The following IGSF21 variants were observed in gnomAD, a reference collection of about 807,000 sequenced individuals.
IGSF21 encodes the protein immunoglobin superfamily member 21.
IGSF21 carries 28 observed loss-of-function variants against 46.8 expected under a neutral mutation model. The observed-to-expected ratio is 0.60, with a 90% CI of 0.44 to 0.82. IGSF21 has a LOEUF of 0.82. IGSF21 is among the 40% of genes least tolerant of loss of function. The pLI, the probability that IGSF21 is intolerant of heterozygous loss-of-function variation, is 0.00. For missense variants in IGSF21, 624 were observed against 665.5 expected, an observed-to-expected ratio of 0.94 and a Z score of 0.69; for synonymous variants, 284 against 273.6, an observed-to-expected ratio of 1.04 and a Z score of -0.38.
At chr1:18,135,568 A>C (rs563434084) in intron 1 of IGSF21, among the ~76,000 whole-genome samples, 1 of 152,126 alleles carries the variant, frequency 6.6e-6, no homozygotes. Flanking sequence ...AGCTTCATCC[A>C]TGTCCCTACA....
At chr1:18,196,024 G>A (rs1344923309) in intron 1 of IGSF21, among the ~76,000 whole-genome samples, 1 of 152,220 alleles carries the variant, frequency 6.6e-6, no homozygotes, top group Non-Finnish European at 1.5e-5. Flanking sequence ...TGGTGATGCT[G>A]GGGGGTTGTG....
chr1:18,152,094 G>C (rs1461066951), intron 1 of IGSF21, among the ~76,000 whole-genome samples: 1 of 152,218 alleles, frequency 6.6e-6, no homozygotes. Flanking sequence ...TCAGTGCCTA[G>C]AACTGGGCCT....
At chr1:18,191,575 C>G (rs1368340294) in intron 1 of IGSF21, among the ~76,000 whole-genome samples, 2 of 151,962 alleles carry the variant, frequency 1.3e-5, no homozygotes, top group Non-Finnish European at 2.9e-5. Flanking sequence ...AGGGGATACA[C>G]GGGGTGTGTA....
At chr1:18,196,379 G>A (rs1208214172) in intron 1 of IGSF21, among the ~76,000 whole-genome samples, 1 of 152,168 alleles carries the variant, frequency 6.6e-6, no homozygotes, top group African/African-American at 2.4e-5. Flanking sequence ...ATGGCAGGGA[G>A]GAGAGGCCAT....
rs57198368 is a variant in IGSF21, at chr1:18,196,645, C to T, written c.71-31253C>T. ...TTAGAAGTGCTCTGTTTTATCTCAT[C>T]AGAGCCACATAATGGCCCCATGAGG... On this transcript the variant is annotated intron_variant, in intron 1 of 9. Coordinates refer to ENST00000251296, the MANE Select transcript of IGSF21 (RefSeq NM_032880.5). Among the ~76,000 whole-genome samples the T allele has an allele frequency of 7.9e-3, 1,197 of 152,272 alleles. 17 individuals carry two copies. Among genetic ancestry groups the T allele is most frequent in the African/African-American group, 0.027 (1,111 of 41,546 alleles).
intron 3 of IGSF21, among the ~76,000 whole-genome samples, chr1:18,324,001 G>C (rs2124596860): frequency 6.6e-6 from 1 of 152,124 alleles, no homozygotes; most frequent in East Asian, 1.9e-4. Context: ...GTCCAGCGCT[G>C]CCCCATCCCT....
At chr1:18,293,522 C>G (rs1377096041) in intron 3 of IGSF21, among the ~76,000 whole-genome samples, 2 of 152,122 alleles carry the variant, frequency 1.3e-5, no homozygotes, top group Non-Finnish European at 2.9e-5. Flanking sequence ...GGTGTGTGAA[C>G]AGCCGCACAA....
chr1:18,239,788 C>T (rs2084708538), intron 2 of IGSF21, among the ~76,000 whole-genome samples: 1 of 152,118 alleles, frequency 6.6e-6, no homozygotes, highest in Non-Finnish European at 1.5e-5. Flanking sequence ...TTTCCCCATC[C>T]ATTTTTCCCC....
intron 2 of IGSF21, among the ~76,000 whole-genome samples, chr1:18,287,145 C>G (rs2085219921): frequency 6.7e-6 from 1 of 148,182 alleles, no homozygotes; most frequent in African/African-American, 2.5e-5. Context: ...CGCGCCACTG[C>G]ACTCCAGCCT....
chr1:18,350,329 C>T (rs1355814216), intron 4 of IGSF21, among the ~76,000 whole-genome samples: 2 of 152,106 alleles, frequency 1.3e-5, no homozygotes, highest in African/African-American at 2.4e-5. Context: ...AAAGTGCATT[C>T]GAGGTCCCAA....
intron 1 of IGSF21, among the ~76,000 whole-genome samples, chr1:18,186,092 A>G (rs1274165643): frequency 6.6e-6 from 1 of 152,184 alleles, no homozygotes; most frequent in Non-Finnish European, 1.5e-5. Flanking sequence ...GGCTATTTAA[A>G]TGAGAACTTT....
chr1:18,150,115 G>T (rs930367092), intron 1 of IGSF21, among the ~76,000 whole-genome samples: 4 of 152,140 alleles, frequency 2.6e-5, no homozygotes, highest in African/African-American at 4.8e-5. Context: ...GCCGGGTGCA[G>T]TGGCTCATAT....
At chr1:18,306,013 G>A (rs570538703) in intron 3 of IGSF21, among the ~76,000 whole-genome samples, 1 of 152,150 alleles carries the variant, frequency 6.6e-6, no homozygotes, top group South Asian at 2.1e-4. Flanking sequence ...GTGCATCATG[G>A]CTTCTTGCCA....
intron 3 of IGSF21, among the ~76,000 whole-genome samples, chr1:18,315,959 C>G (rs2085539126): frequency 6.6e-6 from 1 of 152,110 alleles, no homozygotes; most frequent in Non-Finnish European, 1.5e-5. Flanking sequence ...AAGCCTCCAG[C>G]ATATGCTTGA....
intron 1 of IGSF21, among the ~76,000 whole-genome samples, chr1:18,208,396 T>TATATA (rs397732378): frequency 4.9e-5 from 5 of 102,282 alleles, no homozygotes; most frequent in East Asian, 2.6e-4. Flanking sequence ...TATATATATA[T>TATATA]TTTTTGAGAC....
chr1:18,148,191 C>T (rs933753715), intron 1 of IGSF21, among the ~76,000 whole-genome samples: 5 of 130,846 alleles, frequency 3.8e-5, no homozygotes, highest in East Asian at 2.3e-4. Flanking sequence ...AGTGCAGTGG[C>T]GCGATCTCAT....
intron 1 of IGSF21, among the ~76,000 whole-genome samples, chr1:18,176,565 C>T (rs1029353343): frequency 5.3e-5 from 8 of 152,272 alleles, no homozygotes; most frequent in Admixed American, 1.3e-4. Context: ...AGATAATCCT[C>T]GGGAGCAGTT....
chr1:18,304,095 T>C (rs1231133027), intron 3 of IGSF21, among the ~76,000 whole-genome samples: 3 of 152,096 alleles, frequency 2.0e-5, no homozygotes, highest in Admixed American at 6.5e-5. Context: ...CTGGCAGCAC[T>C]CGCTGATGGG....
At chr1:18,331,713 A>C (rs1234554835) in intron 3 of IGSF21, among the ~76,000 whole-genome samples, 1 of 152,210 alleles carries the variant, frequency 6.6e-6, no homozygotes, top group Non-Finnish European at 1.5e-5. Flanking sequence ...ATCAGGAGGG[A>C]GATTACCAGG....
Sources: gnomAD v4.1 joint callset for allele counts (sites outside exome capture counted in the v4.1 genomes callset) on GRCh38, gnomAD v4.1.1 for gene constraint, MANE v1.5 for transcripts, NCBI Gene and HGNC (gene_info 2026-07-23, HGNC 2026-07-21) for gene names.